Variants in IGF1R observed in about 807,000 individuals in gnomAD.
The protein encoded by IGF1R is insulin-like growth factor 1 receptor.
Under a neutral mutation model 144.6 loss-of-function variants are expected in IGF1R, and 44 were observed. The observed-to-expected ratio is 0.30, with a 90% CI of 0.24 to 0.39. The LOEUF is 0.39. IGF1R is among the 10% of genes least tolerant of loss of function. The pLI is 1.00. For synonymous variants in IGF1R, 795 were observed against 722.8 expected (o/e 1.10, Z -1.60); for missense variants, 1,355 against 1,833.7 (o/e 0.74, Z 4.77).
At chr15:98,699,853 G>T (rs1191222428) in intron 1 of IGF1R, among the ~76,000 whole-genome samples, 1 of 152,074 alleles carries the variant, frequency 6.6e-6, no homozygotes, top group Non-Finnish European at 1.5e-5. Context: ...AATTACACTC[G>T]GTTTCTAATT....
rs544674838 is a variant in IGF1R at position 98,649,525 on chromosome 15, CTTTTTTTTTTTTTT to C, written c.-46_-33del. On this transcript the variant is annotated 5_prime_UTR_variant, in exon 1 of 21. Coordinates refer to ENST00000650285, the MANE Select transcript of IGF1R (RefSeq NM_000875.5). Reference sequence around the variant, plus strand: ...TCATTTCCTTTTTTTCTTTTCTTTTCTTTTTTTTTTTTTTTTTTTTTTTTGAGAAAGGGGAATTT... The same window carrying C: ...TCATTTCCTTTTTTTCTTTTCTTTTCTTTTTTTTTTGAGAAAGGGGAATTT... 73 of 726,182 alleles carry C rather than the reference CTTTTTTTTTTTTTT, an allele frequency of 1.0e-4. 1 individual carries two copies. The highest frequency in any genetic ancestry group is 6.3e-4 in the Middle Eastern group (2 of 3,194). 45.0% of individuals were successfully genotyped at this position (726,182 alleles called of 1,614,324 possible).
chr15:98,691,690 C>G (rs1463197619), intron 1 of IGF1R, among the ~76,000 whole-genome samples: 2 of 152,064 alleles, frequency 1.3e-5, no homozygotes, highest in Admixed American at 1.3e-4. Flanking sequence ...TAGTCTGGGA[C>G]CATGGGTTTT....
intron 1 of IGF1R, among the ~76,000 whole-genome samples, chr15:98,674,172 T>C (rs900901200): frequency 6.6e-6 from 1 of 152,298 alleles, no homozygotes; most frequent in Admixed American, 6.5e-5. Flanking sequence ...ATCTGATTGT[T>C]GCATTGAAAC....
At chr15:98,765,292 A>G (rs1043072016) in intron 2 of IGF1R, among the ~76,000 whole-genome samples, 18 of 141,540 alleles carry the variant, frequency 1.3e-4, no homozygotes, top group Non-Finnish European at 9.1e-5. Flanking sequence ...CTCTCACCCA[A>G]TGATCATGCC....
At chr15:98,812,581 C>G (rs986482075) in intron 2 of IGF1R, among the ~76,000 whole-genome samples, 5 of 152,082 alleles carry the variant, frequency 3.3e-5, no homozygotes, top group Non-Finnish European at 7.4e-5. Context: ...TGGTCTCAAA[C>G]TGCTGACCTC....
chr15:98,924,130 C>T, intron 12 of IGF1R, 118 bp downstream of exon 12: 1 of 1,052,396 alleles, frequency 9.5e-7, no homozygotes, highest in Non-Finnish European at 1.5e-6. Flanking sequence ...AAAATCCATG[C>T]CAAGTTGGTG....
At chr15:98,709,998 A>G (rs1460383089) in intron 2 of IGF1R, among the ~76,000 whole-genome samples, 1 of 152,204 alleles carries the variant, frequency 6.6e-6, no homozygotes, top group African/African-American at 2.4e-5. Context: ...ACTAGAAATG[A>G]GCAAGTTATT....
intron 2 of IGF1R, among the ~76,000 whole-genome samples, chr15:98,830,587 C>G (rs370714832): frequency 5.3e-5 from 8 of 150,724 alleles, no homozygotes; most frequent in African/African-American, 2.0e-4. Flanking sequence ...AAGCATGGTT[C>G]CAACATCTGA....
chr15:98,727,042 G>A (rs1417671380), intron 2 of IGF1R, among the ~76,000 whole-genome samples: 2 of 152,026 alleles, frequency 1.3e-5, no homozygotes, highest in Non-Finnish European at 2.9e-5. Context: ...TTTCATGTGT[G>A]GAACAAAACT....
chr15:98,929,851 T>G (rs146999067), intron 14 of IGF1R, among the ~76,000 whole-genome samples, 191 bp downstream of exon 14: 1 of 152,370 alleles, frequency 6.6e-6, no homozygotes, highest in Non-Finnish European at 1.5e-5. Flanking sequence ...AAAATAATTT[T>G]TCGATGGTAC....
chr15:98,802,761 A>C (rs1224209783), intron 2 of IGF1R, among the ~76,000 whole-genome samples: 1 of 152,226 alleles, frequency 6.6e-6, no homozygotes, highest in Admixed American at 6.5e-5. Flanking sequence ...AGCACAAGAT[A>C]TTTTTTCTCA....
chr15:98,672,303 G>T (rs904413527), intron 1 of IGF1R, among the ~76,000 whole-genome samples: 1 of 152,132 alleles, frequency 6.6e-6, no homozygotes, highest in African/African-American at 2.4e-5. Flanking sequence ...CATGGCTCAC[G>T]CCTGTAATCC....
At chr15:98,808,029 C>T (rs1407723223) in intron 2 of IGF1R, among the ~76,000 whole-genome samples, 1 of 152,070 alleles carries the variant, frequency 6.6e-6, no homozygotes, top group Non-Finnish European at 1.5e-5. Context: ...TATTTCTGTG[C>T]AGTAATGAAG....
chr15:98,910,044 G>GGA (rs201196281), intron 6 of IGF1R, among the ~76,000 whole-genome samples: 6 of 151,820 alleles, frequency 4.0e-5, no homozygotes, highest in Non-Finnish European at 7.4e-5. Flanking sequence ...ACACATGCAG[G>GGA]GAGGCAAATC....
intron 2 of IGF1R, among the ~76,000 whole-genome samples, chr15:98,752,771 A>C (rs2055045486): frequency 6.6e-6 from 1 of 152,168 alleles, no homozygotes; most frequent in African/African-American, 2.4e-5. Context: ...TGATGTGTAT[A>C]ATATTAAATT....
At chr15:98,836,628 C>G (rs890223628) in intron 2 of IGF1R, among the ~76,000 whole-genome samples, 4 of 151,750 alleles carry the variant, frequency 2.6e-5, no homozygotes, top group African/African-American at 7.3e-5. Flanking sequence ...TTAACAATGA[C>G]ACAATACTGT....
At chr15:98,853,812 C>A (rs541740837) in intron 2 of IGF1R, among the ~76,000 whole-genome samples, 38 of 152,214 alleles carry the variant, frequency 2.5e-4, no homozygotes, top group African/African-American at 8.7e-4. Context: ...GGGAGAAGTG[C>A]GGGGAGTGGA....
In IGF1R at chr15:98,891,723, C is replaced by T; in HGVS notation, c.953+86C>T. 7.5e-7 allele frequency: 1 copy of T among 1,341,998 alleles called. No homozygotes were observed. Among genetic ancestry groups the T allele is most frequent in the Admixed American group, 1.9e-5 (1 of 52,288 alleles). The allele number at this position is 1,341,998 out of a possible 1,614,324, so 83.1% of individuals were successfully genotyped here. On this transcript the variant is annotated intron_variant, in intron 3 of 20. Transcript: ENST00000650285. The surrounding 1 kb of genome is among the most constrained non-coding windows in gnomAD (Gnocchi z 4.7). ...CAAAGGTAGACTCTGTCGGTTGTTT[C>T]ATCCGGGTGCAGCCCTCAGGAAGTT...
At chr15:98,866,007 T>C (rs949483833) in intron 2 of IGF1R, among the ~76,000 whole-genome samples, 5 of 152,214 alleles carry the variant, frequency 3.3e-5, no homozygotes, top group African/African-American at 7.2e-5. Context: ...AACTTGCCCG[T>C]CACCCGGATG....
Sources: gnomAD v4.1 joint callset for allele counts (sites outside exome capture counted in the v4.1 genomes callset) on GRCh38, gnomAD v4.1.1 for gene constraint, Gnocchi (gnomAD v3.1) non-coding constraint, MANE v1.5 for transcripts, NCBI Gene and HGNC (gene_info 2026-07-23, HGNC 2026-07-21) for gene names.